Variants in LNX1 observed in about 807,000 individuals in gnomAD.
LNX1 encodes E3 ubiquitin-protein ligase LNX.
LNX1 carries 54 observed loss-of-function variants against 68.4 expected under a neutral mutation model. The ratio of observed to expected loss-of-function variants is 0.79; its 90% CI spans 0.63 to 0.99. The LOEUF is 0.99. Among genes scored for constraint, LNX1 ranks in the 50% least tolerant of loss-of-function variants. The probability of loss-of-function intolerance (pLI) is 0.00; values close to 1 mark genes in which losing one functional copy is unlikely to be tolerated. For synonymous variants in LNX1, 336 were observed against 350.0 expected, an observed-to-expected ratio of 0.96 and a Z score of 0.45; for missense variants, 906 against 926.4, an observed-to-expected ratio of 0.98 and a Z score of 0.29.
At chr4:53,610,694 C>A (rs1410872527) in intron 2 of LNX1, among the ~76,000 whole-genome samples, 2 of 120,556 alleles carry the variant, frequency 1.7e-5, no homozygotes, top group East Asian at 2.5e-4. Context: ...GGCGACAGAG[C>A]AAGACTCCCG....
At chr4:53,557,642 G>C (rs1297259872) in intron 2 of LNX1, among the ~76,000 whole-genome samples, 1 of 150,768 alleles carries the variant, frequency 6.6e-6, no homozygotes, top group African/African-American at 2.4e-5. Flanking sequence ...CACTGAAGCA[G>C]GAAAAAAAAA....
intron 6 of LNX1, among the ~76,000 whole-genome samples, chr4:53,484,113 G>A (rs757646616): frequency 6.6e-6 from 1 of 152,120 alleles, no homozygotes; most frequent in Non-Finnish European, 1.5e-5. Context: ...CACCAAACCG[G>A]CTAGTGTCTT....
intron 2 of LNX1, among the ~76,000 whole-genome samples, chr4:53,538,039 A>C (rs1161008505): frequency 6.6e-6 from 1 of 152,222 alleles, no homozygotes; most frequent in Non-Finnish European, 1.5e-5. Context: ...AGGGAACATA[A>C]AGTATGTGAT....
Position 53,460,633 on chromosome 4 carries a change from T to A in LNX1, c.*274A>T. The A allele has an allele frequency of 3.0e-6, 1 of 330,064 alleles. No homozygotes were observed. The highest frequency in any genetic ancestry group is 5.7e-5 in the South Asian group (1 of 17,644). 20.4% of individuals were successfully genotyped at this position (330,064 alleles called of 1,614,324 possible). A position where few individuals can be genotyped will look rare whatever the true frequency, so the allele number is the denominator to read the frequency against. ...ATTCAGTGGGGTATACAAATCATTTTAGTTGTTTTAGGGCTTTTTATTGAA... is the reference window on the plus strand; with the variant it reads ...ATTCAGTGGGGTATACAAATCATTTAAGTTGTTTTAGGGCTTTTTATTGAA... On this transcript the variant is annotated 3_prime_UTR_variant, in exon 11 of 11. Coordinates refer to ENST00000263925, the MANE Select transcript of LNX1 (RefSeq NM_001126328.3).
Position 53,461,143 on chromosome 4 carries a change from A to G in LNX1, c.2052-101T>C, listed in dbSNP as rs931244520. ...GTGCTAGATTTTGCTACATCTGACC[A>G]TTTTAATTATGTTAACTTCTAATTG... is the stretch of plus-strand genomic sequence containing the variant. On this transcript the variant is annotated intron_variant, in intron 10 of 10. Coordinates refer to ENST00000263925, the MANE Select transcript of LNX1 (RefSeq NM_001126328.3). 3.7e-5 allele frequency: 35 copies of G among 949,418 alleles called. 3 individuals carry two copies. The Admixed American group carries it at 6.7e-4, about 18-fold the overall frequency. 58.8% of individuals were successfully genotyped at this position (949,418 alleles called of 1,614,324 possible).
intron 2 of LNX1, among the ~76,000 whole-genome samples, chr4:53,572,594 A>G (rs932681571): frequency 3.3e-4 from 50 of 152,228 alleles, no homozygotes; most frequent in African/African-American, 1.2e-3. Flanking sequence ...GAACCAGGAT[A>G]AACAACATCT....
intron 9 of LNX1, among the ~76,000 whole-genome samples, chr4:53,467,647 G>A (rs1012106744): frequency 7.2e-5 from 11 of 152,172 alleles, no homozygotes. Context: ...AGTCCTTAAA[G>A]GACCTGATGG....
intron 1 of LNX1, among the ~76,000 whole-genome samples, chr4:53,625,701 G>C (rs1441847719): frequency 6.6e-6 from 1 of 152,106 alleles, no homozygotes; most frequent in Non-Finnish European, 1.5e-5. Context: ...CAGAAACTTG[G>C]GAGGCTGAGG....
chr4:53,475,322 C>CT (rs1723493002), intron 9 of LNX1, among the ~76,000 whole-genome samples: 1 of 151,232 alleles, frequency 6.6e-6, no homozygotes. Flanking sequence ...ATACTCTCTA[C>CT]TTTCACTCAG....
chr4:53,534,641 C>T (rs756008961), intron 2 of LNX1, among the ~76,000 whole-genome samples: 1 of 152,120 alleles, frequency 6.6e-6, no homozygotes, highest in Non-Finnish European at 1.5e-5. Flanking sequence ...CACCCTGTCT[C>T]TAAAAAAACA....
At chr4:53,569,226 C>G (rs888010120) in intron 2 of LNX1, among the ~76,000 whole-genome samples, 27 of 152,086 alleles carry the variant, frequency 1.8e-4, no homozygotes, top group African/African-American at 5.8e-4. Context: ...GCCAAAGGAA[C>G]AAAGCTGGAG....
intron 2 of LNX1, among the ~76,000 whole-genome samples, chr4:53,528,859 T>C (rs1405263676): frequency 1.3e-5 from 2 of 152,036 alleles, no homozygotes; most frequent in Admixed American, 1.3e-4. Context: ...GCCAAAGGTA[T>C]TGGCTCTGGG....
At chr4:53,518,236 C>T (rs1726941718) in intron 2 of LNX1, among the ~76,000 whole-genome samples, 1 of 152,078 alleles carries the variant, frequency 6.6e-6, no homozygotes, top group South Asian at 2.1e-4. Flanking sequence ...CCTAAGCAAG[C>T]ACACTGACTT....
upstream of LNX1, chr4:53,594,168 T>C (rs1227176795): frequency 4.0e-5 from 6 of 150,426 alleles, no homozygotes; most frequent in African/African-American, 1.2e-4. Context: ...TATATATAAA[T>C]ATGTATATAT....
At chr4:53,507,184 A>G in intron 4 of LNX1, 133 bp downstream of exon 4, 1 of 917,842 alleles carries the variant, frequency 1.1e-6, no homozygotes, top group East Asian at 2.5e-5. Flanking sequence ...TAGGCTAATC[A>G]AAGTAAAAAA....
At chr4:53,479,930 C>T (rs756633120) in intron 7 of LNX1, among the ~76,000 whole-genome samples, 1 of 152,216 alleles carries the variant, frequency 6.6e-6, no homozygotes, top group Non-Finnish European at 1.5e-5. Flanking sequence ...CTTAGTCGCT[C>T]TATGACTCTT....
chr4:53,477,742 T>C lies in LNX1; in HGVS notation c.1664-761A>G, dbSNP rs566375607. Reference sequence around the variant, plus strand: ...TTTTTTCTGTCCCCTTTTGCTTAACTTTCTTATACAGAATAACCACAGCAA... The same window carrying C: ...TTTTTTCTGTCCCCTTTTGCTTAACCTTCTTATACAGAATAACCACAGCAA... On this transcript the variant is annotated intron_variant, in intron 8 of 10. Transcript: ENST00000263925. Among the ~76,000 whole-genome samples, 8 of 152,290 alleles carry C rather than the reference T, an allele frequency of 5.3e-5. No homozygotes were observed. In the East Asian group the frequency reaches 5.8e-4, roughly 11 times the overall value.
chr4:53,534,927 TA>T (rs1293143111), intron 2 of LNX1, among the ~76,000 whole-genome samples: 1 of 152,212 alleles, frequency 6.6e-6, no homozygotes, highest in African/African-American at 2.4e-5. Flanking sequence ...TGAGGACCTG[TA>T]AAACAATTAC....
In LNX1 at chr4:53,460,715, A is replaced by AACT. The variant is rs1359061501; in HGVS notation, c.*189_*191dup. Reference sequence around the variant, plus strand: ...TGAGAAATCCTCCACACTGAAAAAAAACTAGTAGTTTTAATTTTTTTGGAA... The same window carrying AACT: ...TGAGAAATCCTCCACACTGAAAAAAAACTACTAGTAGTTTTAATTTTTTTGGAA... On this transcript the variant is annotated 3_prime_UTR_variant, in exon 11 of 11. Transcript: ENST00000263925. 4 of 549,052 alleles carry AACT rather than the reference A, an allele frequency of 7.3e-6. No homozygotes were observed. The highest frequency in any genetic ancestry group is 3.3e-5 in the East Asian group (1 of 30,048). The allele number at this position is 549,052 out of a possible 1,614,324, so 34.0% of individuals were successfully genotyped here.
Sources: allele counts gnomAD v4.1 joint callset (sites outside exome capture counted in the v4.1 genomes callset), GRCh38; gene constraint gnomAD v4.1.1; transcripts MANE v1.5; gene names NCBI Gene and HGNC (gene_info 2026-07-23, HGNC 2026-07-21).